NDE1: variants seen among roughly 807,000 people sequenced by gnomAD.
NDE1 encodes nuclear distribution protein nudE homolog 1.
In NDE1, 28 loss-of-function variants were observed where a neutral mutation model predicts 43.4. The observed-to-expected ratio is 0.65, with a 90% CI of 0.48 to 0.89. NDE1 has a LOEUF of 0.89. NDE1 is among the 40% of genes least tolerant of loss of function. The pLI is 0.00. For missense variants in NDE1, 441 were observed against 434.1 expected (o/e 1.02, Z -0.14); for synonymous variants, 184 against 172.0 (o/e 1.07, Z -0.55).
chr16:15,676,277 G>A (rs889588129), intron 3 of NDE1, among the ~76,000 whole-genome samples: 2 of 140,818 alleles, frequency 1.4e-5, no homozygotes, highest in Non-Finnish European at 3.0e-5. Flanking sequence ...CCAGGCTGGA[G>A]TGCAGTGGTG....
intron 8 of NDE1, among the ~76,000 whole-genome samples, chr16:15,707,332 C>T (rs191830391): frequency 1.3e-5 from 2 of 152,250 alleles, no homozygotes; most frequent in Admixed American, 1.3e-4. Context: ...CCTGGCCTAG[C>T]ATTTGGATTC....
intron 8 of NDE1, among the ~76,000 whole-genome samples, chr16:15,716,554 C>T (rs1244555982): frequency 6.6e-6 from 1 of 152,034 alleles, no homozygotes; most frequent in Non-Finnish European, 1.5e-5. Context: ...AAGGGTCCCA[C>T]TGTGTCACCC....
At chr16:15,696,631 C>T (rs758976381) in intron 7 of NDE1, 78 bp from the exon 8 acceptor site, 61 of 1,610,260 alleles carry the variant, frequency 3.8e-5, no homozygotes, top group Non-Finnish European at 5.2e-5. Flanking sequence ...GTCTGGGGTT[C>T]GTTCTTCTGT....
Position 15,683,124 on chromosome 16 carries a change from A to G in NDE1, c.387-4251A>G, listed in dbSNP as rs1386807484. 3.9e-5 allele frequency among the ~76,000 whole-genome samples: 6 copies of G among 152,038 alleles called. No homozygotes were observed. In the South Asian group the frequency reaches 8.3e-4, roughly 21 times the overall value. Reference sequence around the variant, plus strand: ...GGCTTGCCAAAGTGTTGGGATTACAAGCATGAGCCACTGTGCCCAGCCAAT... The same window carrying G: ...GGCTTGCCAAAGTGTTGGGATTACAGGCATGAGCCACTGTGCCCAGCCAAT... On this transcript the variant is annotated intron_variant, in intron 4 of 8. Transcript: ENST00000396354.
intron 8 of NDE1, chr16:15,714,891 G>C: frequency 6.2e-7 from 1 of 1,612,722 alleles, no homozygotes; most frequent in South Asian, 1.1e-5. Context: ...GGGTCCTCCC[G>C]GGCCACGGGC....
At chr16:15,676,445 C>T (rs974818350) in intron 3 of NDE1, among the ~76,000 whole-genome samples, 3 of 152,054 alleles carry the variant, frequency 2.0e-5, no homozygotes, top group South Asian at 2.1e-4. Context: ...CTTCTGACCT[C>T]AGGTGATCCG....
chr16:15,667,381 G>T lies in NDE1; in HGVS notation c.179G>T (p.Arg60Met). The T allele has an allele frequency of 6.2e-7, 1 of 1,614,032 alleles. No individual in the cohort carries two copies. Among genetic ancestry groups the T allele is most frequent in the Non-Finnish European group, 8.5e-7 (1 of 1,179,980 alleles). Residue 60 changes from arginine (R) to methionine (M), a missense_variant, in exon 3 of 9, where the codon AGG becomes ATG. Physicochemically the swap from Arg to Met is moderately conservative, Grantham distance 91. Coordinates refer to ENST00000396354, the MANE Select transcript of NDE1 (RefSeq NM_017668.3). Reference sequence around the variant, plus strand: ...ACGCAGCTGCAACAAATTGAAACCAGGAACAGAGACCTCCTGTCCGAAAAT... The same window carrying T: ...ACGCAGCTGCAACAAATTGAAACCATGAACAGAGACCTCCTGTCCGAAAAT... ...LETQLQQIET[R>M]NRDLLSENNR...
chr16:15,675,191 C>T (rs910707094), intron 3 of NDE1, among the ~76,000 whole-genome samples: 25 of 151,768 alleles, frequency 1.6e-4, no homozygotes, highest in Admixed American at 2.0e-4. Context: ...CCTGCCTGCC[C>T]GCCCCCTCCC....
chr16:15,715,550 G>C (rs145313061), intron 8 of NDE1, among the ~76,000 whole-genome samples: 1 of 152,222 alleles, frequency 6.6e-6, no homozygotes, highest in African/African-American at 2.4e-5. Context: ...GTCCAGAATA[G>C]ATAAATTCAT....
At chr16:15,694,647 C>T in intron 7 of NDE1, 6 of 985,338 alleles carry the variant, frequency 6.1e-6, no homozygotes, top group South Asian at 4.7e-5. Flanking sequence ...TGCGTCCAGC[C>T]CCTTTCATAG....
At chr16:15,711,155 C>T (rs57142950) in intron 8 of NDE1, 3,457 of 152,352 alleles carry the variant, frequency 0.023, 139 homozygotes, top group African/African-American at 0.079. Context: ...TGGTGCCCTG[C>T]GCCAGCTGCT....
chr16:15,706,607 T>C (rs577242603), intron 8 of NDE1, among the ~76,000 whole-genome samples: 3 of 151,990 alleles, frequency 2.0e-5, no homozygotes, highest in Admixed American at 6.6e-5. Context: ...CTCAGGAGGC[T>C]GAGGCAGGAG....
intron 8 of NDE1, chr16:15,714,803 G>A (rs2040024421): frequency 1.5e-6 from 2 of 1,346,006 alleles, no homozygotes; most frequent in South Asian, 1.2e-5. Flanking sequence ...AGAAGGGAGT[G>A]GCGGCTGTGG....
chr16:15,712,882 G>GTTTTGTTTTTTTTTTTTTTTTTTTT (rs2039887695), intron 8 of NDE1: 8 of 90,634 alleles, frequency 8.8e-5, no homozygotes, highest in African/African-American at 2.7e-4. Context: ...TTCACATACA[G>GTTTTGTTTTTTTTTTTTTTTTTTTT]TTTTTTTTTT....
intron 8 of NDE1, among the ~76,000 whole-genome samples, chr16:15,709,185 C>T (rs1211973889): frequency 6.6e-6 from 1 of 152,052 alleles, no homozygotes; most frequent in Non-Finnish European, 1.5e-5. Context: ...CAATGATCTT[C>T]CTGCCTTGGC....
intron 8 of NDE1, chr16:15,717,731 G>A (rs941736216): frequency 6.1e-6 from 2 of 326,388 alleles, no homozygotes; most frequent in African/African-American, 4.2e-5. Context: ...GGGAGGCAGA[G>A]GTTGCAGTGA....
In NDE1 at chr16:15,721,477, A is replaced by G. The variant is rs1298388002; in HGVS notation, c.948-2714A>G. The G allele has an allele frequency of 2.5e-6, 4 of 1,613,952 alleles. No homozygotes were observed. Among genetic ancestry groups the G allele is most frequent in the Middle Eastern group, 1.6e-4 (1 of 6,084 alleles). ...CAGGTCTTCCATTTCGGCTTTGAGC[A>G]TTTTGTTGGTCCGCTCGAGTTCCTC... On this transcript the variant is annotated intron_variant, in intron 8 of 8. Coordinates refer to ENST00000396354, the MANE Select transcript of NDE1 (RefSeq NM_017668.3).
rs761965886 is a variant in NDE1, at chr16:15,720,901, C to T, written c.948-3290C>T. 5.0e-6 allele frequency: 8 copies of T among 1,613,904 alleles called. No individual in the cohort carries two copies. The highest frequency in any genetic ancestry group is 2.7e-5 in the African/African-American group (2 of 74,896). On this transcript the variant is annotated intron_variant, in intron 8 of 8. Transcript: ENST00000396354. ...TCGTCCCGGGCTTGGAGATCCCTTT[C>T]GAACTGGCCCTTGAGCGCCTGCATG...
chr16:15,714,587 G>C, intron 8 of NDE1: 1 of 496,356 alleles, frequency 2.0e-6, no homozygotes, highest in Admixed American at 3.3e-5. Context: ...ATGTCGTGAA[G>C]ACTCAGTGAT....
Sources: allele counts gnomAD v4.1 joint callset (sites outside exome capture counted in the v4.1 genomes callset), GRCh38; gene constraint gnomAD v4.1.1; transcripts MANE v1.5; gene names NCBI Gene and HGNC (gene_info 2026-07-23, HGNC 2026-07-21).